KATNAL2: variants seen among roughly 807,000 people sequenced by gnomAD.
The protein encoded by KATNAL2 is katanin catalytic subunit A1 like 2, also known as katanin p60 ATPase-containing subunit A-like 2.
In KATNAL2, 52 loss-of-function variants were observed where a neutral mutation model predicts 76.3. The observed-to-expected ratio is 0.68, with a 90% CI of 0.55 to 0.86. KATNAL2 has a LOEUF of 0.86. Among genes scored for constraint, KATNAL2 ranks in the 40% least tolerant of loss-of-function variants. The probability of loss-of-function intolerance (pLI) is 0.00; values close to 1 mark genes in which losing one functional copy is unlikely to be tolerated. For missense variants in KATNAL2, 660 were observed against 668.9 expected (o/e 0.99, Z 0.15); for synonymous variants, 243 against 244.2 (o/e 1.00, Z 0.05).
In KATNAL2 at chr18:47,035,510, G is replaced by A. The variant is rs1348835826; in HGVS notation, c.52-10947G>A. 70 of 770,190 alleles carry A rather than the reference G, an allele frequency of 9.1e-5. 2 individuals carry two copies. In the Middle Eastern group the frequency reaches 1.6e-3, roughly 17 times the overall value. The allele number at this position is 770,190 out of a possible 1,614,324, so 47.7% of individuals were successfully genotyped here. A position where few individuals can be genotyped will look rare whatever the true frequency, so the allele number is the denominator to read the frequency against. On this transcript the variant is annotated intron_variant, in intron 3 of 17. Coordinates refer to ENST00000683218, the MANE Select transcript of KATNAL2 (RefSeq NM_001387690.1). ...TCCTCGGGATGTGGAGCCACAGCCT[G>A]GAGTGACCTCTGCAGTTTGCTGTGC...
intron 1 of KATNAL2, among the ~76,000 whole-genome samples, chr18:46,940,233 G>A (rs1269436309): frequency 6.6e-6 from 1 of 152,266 alleles, no homozygotes; most frequent in Non-Finnish European, 1.5e-5. Context: ...TAGGACTGCA[G>A]TAGAGATGAA....
intron 4 of KATNAL2, among the ~76,000 whole-genome samples, chr18:47,047,574 G>T (rs1204390622): frequency 6.6e-6 from 1 of 152,054 alleles, no homozygotes; most frequent in Non-Finnish European, 1.5e-5. Flanking sequence ...TTACAGTAAG[G>T]GCTGCTGCTA....
rs930758256 is a variant in KATNAL2 at position 46,946,488 on chromosome 18, A to G, written c.-78A>G. The G allele has an allele frequency of 1.7e-5, 17 of 985,370 alleles. No individual in the cohort carries two copies. Among genetic ancestry groups the G allele is most frequent in the Non-Finnish European group, 1.8e-5 (15 of 829,946 alleles). 61.0% of individuals were successfully genotyped at this position (985,370 alleles called of 1,614,324 possible). A position where few individuals can be genotyped will look rare whatever the true frequency, so the allele number is the denominator to read the frequency against. On this transcript the variant is annotated 5_prime_UTR_variant, in exon 2 of 18. Coordinates refer to ENST00000683218, the MANE Select transcript of KATNAL2 (RefSeq NM_001387690.1). Reference sequence around the variant, plus strand: ...GGGACGTCAAAATATAGTCTTGGGTATAGAAGCATTGGGTCGCAAAGACCT... The same window carrying G: ...GGGACGTCAAAATATAGTCTTGGGTGTAGAAGCATTGGGTCGCAAAGACCT...
chr18:46,927,343 A>G (rs1364899795), intron 1 of KATNAL2, among the ~76,000 whole-genome samples: 1 of 152,022 alleles, frequency 6.6e-6, no homozygotes, highest in Non-Finnish European at 1.5e-5. Context: ...TTCACTTATG[A>G]TGCTTAGTTT....
chr18:46,920,419 C>G (rs370286368), intron 1 of KATNAL2, among the ~76,000 whole-genome samples: 2 of 152,276 alleles, frequency 1.3e-5, no homozygotes, highest in East Asian at 3.9e-4. Context: ...ACCTGAGAAC[C>G]AACCCTTCTT....
intron 15 of KATNAL2, among the ~76,000 whole-genome samples, chr18:47,081,905 C>T (rs367606220): frequency 2.2e-4 from 34 of 152,168 alleles, no homozygotes; most frequent in African/African-American, 7.5e-4. Context: ...CTAGGAAATA[C>T]GTATCTTTAA....
intron 3 of KATNAL2, among the ~76,000 whole-genome samples, chr18:46,948,226 T>C (rs2146676648): frequency 6.6e-6 from 1 of 152,192 alleles, no homozygotes; most frequent in Non-Finnish European, 1.5e-5. Context: ...TTTTCCTGCC[T>C]CAGCCTCCCG....
At chr18:47,031,944 A>T (rs1444666234) in intron 3 of KATNAL2, among the ~76,000 whole-genome samples, 1 of 152,120 alleles carries the variant, frequency 6.6e-6, no homozygotes, top group Non-Finnish European at 1.5e-5. Context: ...AGCCCGTGTG[A>T]GGCCAACAAA....
intron 5 of KATNAL2, among the ~76,000 whole-genome samples, chr18:47,054,034 A>G (rs2061406762): frequency 6.6e-6 from 1 of 152,226 alleles, no homozygotes; most frequent in African/African-American, 2.4e-5. Flanking sequence ...GATTCGTGCA[A>G]TCATCCTGGT....
chr18:46,960,568 AT>A (rs1004076193), intron 3 of KATNAL2, among the ~76,000 whole-genome samples: 2 of 152,186 alleles, frequency 1.3e-5, no homozygotes, highest in African/African-American at 4.8e-5. Context: ...ACAATTATTG[AT>A]TTTTGGCTGA....
chr18:46,926,548 G>T (rs375940538), intron 1 of KATNAL2, among the ~76,000 whole-genome samples: 166 of 152,264 alleles, frequency 1.1e-3, no homozygotes, highest in Non-Finnish European at 1.7e-3. Flanking sequence ...GTGCTGAAAA[G>T]AATGTATATT....
rs566157958 is a variant in KATNAL2 at position 47,042,890 on chromosome 18, C to T, written c.52-3567C>T. 1.2e-3 allele frequency among the ~76,000 whole-genome samples: 183 copies of T among 152,094 alleles called. 1 individual carries two copies. The highest frequency in any genetic ancestry group is 2.1e-3 in the Admixed American group (32 of 15,280). On this transcript the variant is annotated intron_variant, in intron 3 of 17. Coordinates refer to ENST00000683218, the MANE Select transcript of KATNAL2 (RefSeq NM_001387690.1). ...TGGCTAGGCAGTGAATGGAAAATGACCTACACCAAAGAAATTGTGTAATTT... is the reference window on the plus strand; with the variant it reads ...TGGCTAGGCAGTGAATGGAAAATGATCTACACCAAAGAAATTGTGTAATTT...
chr18:47,049,522 A>G (rs1020839925), intron 4 of KATNAL2, among the ~76,000 whole-genome samples: 1 of 152,224 alleles, frequency 6.6e-6, no homozygotes, highest in African/African-American at 2.4e-5. Flanking sequence ...GTAGTTATAC[A>G]GAATATTAAT....
intron 9 of KATNAL2, 103 bp downstream of exon 9, chr18:47,063,173 G>A (rs956449145): frequency 1.4e-5 from 20 of 1,429,580 alleles, no homozygotes; most frequent in Non-Finnish European, 2.0e-5. Flanking sequence ...TCAAGTTAAA[G>A]GCCATAGCCA....
At chr18:46,936,766 A>T (rs539139052) in intron 1 of KATNAL2, among the ~76,000 whole-genome samples, 5 of 152,320 alleles carry the variant, frequency 3.3e-5, no homozygotes, top group African/African-American at 9.6e-5. Flanking sequence ...AGCCTGGCCA[A>T]CATGGCGAAA....
chr18:47,071,120 C>T (rs2061982993), intron 13 of KATNAL2, among the ~76,000 whole-genome samples: 1 of 152,154 alleles, frequency 6.6e-6, no homozygotes, highest in South Asian at 2.1e-4. Context: ...GACTGTGGGA[C>T]TCCCCAGTAG....
chr18:46,921,620 G>T (rs183377802), intron 1 of KATNAL2, among the ~76,000 whole-genome samples: 17 of 151,754 alleles, frequency 1.1e-4, no homozygotes, highest in Admixed American at 1.0e-3. Context: ...AATTTATAAA[G>T]TGAAAGATGG....
chr18:47,058,410 T>C (rs2061532671), intron 7 of KATNAL2, 58 bp downstream of exon 7: 2 of 942,388 alleles, frequency 2.1e-6, no homozygotes, highest in East Asian at 2.4e-5. Flanking sequence ...AATAGCCCTA[T>C]GAAAAAGGTC....
Position 47,077,433 on chromosome 18 carries a change from T to C in KATNAL2, c.1183T>C (p.Phe395Leu). 6.2e-7 allele frequency: 1 copy of C among 1,613,902 alleles called. No homozygotes were observed. Among genetic ancestry groups the C allele is most frequent in the Non-Finnish European group, 8.5e-7 (1 of 1,179,784 alleles). The part of the protein sequence containing the change: ...DGLARSEDLV[F>L]VLAASNLPWE... ...GCTGGCACGCTCAGAAGATCTCGTATTTGTCTTAGCAGCTTCTAACCTGCC... is the reference window on the plus strand; with the variant it reads ...GCTGGCACGCTCAGAAGATCTCGTACTTGTCTTAGCAGCTTCTAACCTGCC... Residue 395 changes from phenylalanine (F) to leucine (L), a missense_variant, in exon 15 of 18, where the codon TTT becomes CTT. Phe to Leu is a conservative substitution (Grantham distance 22). Transcript: ENST00000683218.
Sources: gnomAD v4.1 joint callset for allele counts (sites outside exome capture counted in the v4.1 genomes callset) on GRCh38, gnomAD v4.1.1 for gene constraint, MANE v1.5 for transcripts, NCBI Gene and HGNC (gene_info 2026-07-23, HGNC 2026-07-21) for gene names.